Variants in ROBO1 observed in about 807,000 individuals in gnomAD.
The protein encoded by ROBO1 is roundabout homolog 1.
A neutral mutation model predicts 195.9 loss-of-function variants in ROBO1; 149 were observed. The ratio of observed to expected loss-of-function variants is 0.76; its 90% CI spans 0.67 to 0.87. The LOEUF (loss-of-function observed/expected upper bound fraction) is 0.87, where lower values mean the gene tolerates loss of function less well. Ranked by LOEUF, ROBO1 falls within the 40% of genes least tolerant of loss-of-function variation. The probability of loss-of-function intolerance (pLI) is 0.00; values close to 1 mark genes in which losing one functional copy is unlikely to be tolerated. For missense variants in ROBO1, 1,933 were observed against 2,068.3 expected (o/e 0.93, Z 1.27); for synonymous variants, 816 against 733.2 (o/e 1.11, Z -1.82).
chr3:79,421,014 A>G (rs1443667815), intron 2 of ROBO1, among the ~76,000 whole-genome samples: 2 of 152,168 alleles, frequency 1.3e-5, no homozygotes, highest in Non-Finnish European at 2.9e-5. Flanking sequence ...CAAAATGTAC[A>G]TATACACCAT....
At chr3:79,522,866 C>T (rs1298733568) in intron 2 of ROBO1, among the ~76,000 whole-genome samples, 4 of 152,108 alleles carry the variant, frequency 2.6e-5, no homozygotes, top group Admixed American at 6.6e-5. Flanking sequence ...CAACTCCACT[C>T]ATTGTCTGGG....
At chr3:78,895,387 T>C (rs1576360588) in intron 4 of ROBO1, among the ~76,000 whole-genome samples, 1 of 152,220 alleles carries the variant, frequency 6.6e-6, no homozygotes, top group Admixed American at 6.5e-5. Context: ...AAAGGCCTTG[T>C]TGTTTTTCAA....
chr3:79,493,534 T>TTTTTG (rs1217442467), intron 2 of ROBO1, among the ~76,000 whole-genome samples: 2 of 152,008 alleles, frequency 1.3e-5, no homozygotes, highest in South Asian at 4.1e-4. Context: ...CATTGACTAG[T>TTTTTG]TTTTGTTTTG....
chr3:79,447,340 A>G (rs2039295460), intron 2 of ROBO1, among the ~76,000 whole-genome samples: 1 of 152,128 alleles, frequency 6.6e-6, no homozygotes, highest in Admixed American at 6.5e-5. Flanking sequence ...CACTTGTTTT[A>G]AGTGGTTCTA....
At chr3:79,037,886 G>A (rs2078408877) in intron 3 of ROBO1, among the ~76,000 whole-genome samples, 1 of 152,152 alleles carries the variant, frequency 6.6e-6, no homozygotes, top group African/African-American at 2.4e-5. Flanking sequence ...TCCCTTTGAT[G>A]TCTTATTCTC....
chr3:78,690,739 G>T (rs2081154244), intron 8 of ROBO1, among the ~76,000 whole-genome samples: 1 of 152,098 alleles, frequency 6.6e-6, no homozygotes, highest in South Asian at 2.1e-4. Flanking sequence ...ATGAGTGGGA[G>T]AATATGACTT....
intron 1 of ROBO1, among the ~76,000 whole-genome samples, chr3:79,748,981 C>T (rs761424719): frequency 6.6e-6 from 1 of 152,102 alleles, no homozygotes; most frequent in Non-Finnish European, 1.5e-5. Context: ...AGTGGCTTTG[C>T]AAGTTGGAAA....
chr3:78,875,850 A>G (rs2035810248), intron 4 of ROBO1, among the ~76,000 whole-genome samples: 1 of 149,556 alleles, frequency 6.7e-6, no homozygotes, highest in Admixed American at 6.7e-5. Context: ...AAAAGGAGTT[A>G]TTAGTAAGTC....
At chr3:78,610,680 C>A (rs1487469800) in intron 28 of ROBO1, among the ~76,000 whole-genome samples, 1 of 151,948 alleles carries the variant, frequency 6.6e-6, no homozygotes. Flanking sequence ...GAGACAAAAT[C>A]TGTTACTAGA....
At chr3:79,037,484 A>C (rs2078401372) in intron 3 of ROBO1, among the ~76,000 whole-genome samples, 1 of 152,188 alleles carries the variant, frequency 6.6e-6, no homozygotes, top group Non-Finnish European at 1.5e-5. Context: ...TATTAGAAAG[A>C]GATTCTGTTA....
chr3:79,463,134 G>T (rs193020851), intron 2 of ROBO1, among the ~76,000 whole-genome samples: 1 of 152,274 alleles, frequency 6.6e-6, no homozygotes, highest in Non-Finnish European at 1.5e-5. Flanking sequence ...AGCACTTTGG[G>T]AAGCTGAGGT....
chr3:78,759,201 A>G (rs1408147426), intron 4 of ROBO1: 1 of 153,102 alleles, frequency 6.5e-6, no homozygotes, highest in Non-Finnish European at 1.5e-5. Flanking sequence ...ACACCAAATC[A>G]ACCTGTTAAG....
At chr3:79,361,127 A>C (rs1160137178) in intron 2 of ROBO1, among the ~76,000 whole-genome samples, 3 of 152,102 alleles carry the variant, frequency 2.0e-5, no homozygotes, top group African/African-American at 7.2e-5. Flanking sequence ...TTTGCCACCC[A>C]TCACTAGTCC....
At chr3:79,633,862 T>G (rs901852615) in intron 1 of ROBO1, among the ~76,000 whole-genome samples, 2 of 152,164 alleles carry the variant, frequency 1.3e-5, no homozygotes, top group Admixed American at 1.3e-4. Flanking sequence ...TGAAGCTGTG[T>G]CCATCTCTGT....
rs1254162997 is a variant in ROBO1 at position 78,598,731 on chromosome 3, T to G, written c.*182A>C. 1 of 427,080 alleles carries G rather than the reference T, an allele frequency of 2.3e-6. No individual in the cohort carries two copies. The highest frequency in any genetic ancestry group is 2.0e-5 in the African/African-American group (1 of 49,252). 26.5% of individuals were successfully genotyped at this position (427,080 alleles called of 1,614,324 possible). A position where few individuals can be genotyped will look rare whatever the true frequency, so the allele number is the denominator to read the frequency against. Reference sequence around the variant, plus strand: ...GGAAGGCTCTTTGTAGGGTTAGGGATCAAACAACAACAATAAAAACCCAAT... The same window carrying G: ...GGAAGGCTCTTTGTAGGGTTAGGGAGCAAACAACAACAATAAAAACCCAAT... On this transcript the variant is annotated 3_prime_UTR_variant, in exon 31 of 31. Coordinates refer to ENST00000464233, the MANE Select transcript of ROBO1 (RefSeq NM_002941.4).
intron 2 of ROBO1, among the ~76,000 whole-genome samples, chr3:79,268,685 T>C (rs2030226283): frequency 6.6e-6 from 1 of 151,730 alleles, no homozygotes; most frequent in South Asian, 2.1e-4. Context: ...TGGATTTAGA[T>C]GATCACATAG....
At chr3:79,635,017 T>C (rs571176937) in intron 1 of ROBO1, among the ~76,000 whole-genome samples, 4 of 152,188 alleles carry the variant, frequency 2.6e-5, no homozygotes, top group Admixed American at 1.3e-4. Context: ...ATAACAACAC[T>C]GATATAACAA....
intron 1 of ROBO1, among the ~76,000 whole-genome samples, chr3:79,719,667 A>G: frequency 6.6e-6 from 1 of 152,194 alleles, no homozygotes; most frequent in East Asian, 1.9e-4. Context: ...ATCATATTAC[A>G]AAAGGCACAT....
intron 2 of ROBO1, among the ~76,000 whole-genome samples, chr3:79,204,028 A>G (rs1410869662): frequency 1.3e-5 from 2 of 152,086 alleles, no homozygotes; most frequent in African/African-American, 2.4e-5. Context: ...AATATTTGTT[A>G]TGGATTTGAT....
Sources: allele counts gnomAD v4.1 joint callset (sites outside exome capture counted in the v4.1 genomes callset), GRCh38; gene constraint gnomAD v4.1.1; transcripts MANE v1.5; gene names NCBI Gene and HGNC (gene_info 2026-07-23, HGNC 2026-07-21).